The following PRKAR1B variants were observed in gnomAD, a reference collection of about 807,000 sequenced individuals.
The protein encoded by PRKAR1B is cAMP-dependent protein kinase type I-beta regulatory subunit.
PRKAR1B carries 22 observed loss-of-function variants against 46.5 expected under a neutral mutation model. The observed-to-expected ratio is 0.47, with a 90% CI of 0.34 to 0.68. The LOEUF (loss-of-function observed/expected upper bound fraction) is 0.68, where lower values mean the gene tolerates loss of function less well. Among genes scored for constraint, PRKAR1B ranks in the 30% least tolerant of loss-of-function variants. The probability of loss-of-function intolerance (pLI) is 0.01; values close to 1 mark genes in which losing one functional copy is unlikely to be tolerated. For synonymous variants in PRKAR1B, 259 were observed against 217.7 expected, an observed-to-expected ratio of 1.19 and a Z score of -1.67; for missense variants, 445 against 535.6, an observed-to-expected ratio of 0.83 and a Z score of 1.67.
chr7:685,500 A>G lies in PRKAR1B; in HGVS notation c.178-4774T>C, dbSNP rs535668574. Among the ~76,000 whole-genome samples, 51 of 149,578 alleles carry G rather than the reference A, an allele frequency of 3.4e-4. No individual in the cohort carries two copies. The East Asian group carries it at 8.6e-3, about 25-fold the overall frequency. On this transcript the variant is annotated intron_variant, in intron 2 of 10. Coordinates refer to ENST00000537384, the MANE Select transcript of PRKAR1B (RefSeq NM_001164760.2). The stretch of plus-strand genomic sequence containing the variant: ...AGAAACTTGTCAGAAATAAAAGAAA[A>G]ATTTCTCTAAACTGAAGAACATGAG...
chr7:570,087 G>C (rs1436253529), intron 9 of PRKAR1B, among the ~76,000 whole-genome samples: 1 of 152,250 alleles, frequency 6.6e-6, no homozygotes, highest in Non-Finnish European at 1.5e-5. Flanking sequence ...GGGAAGACTT[G>C]GCACCCACCC....
intron 4 of PRKAR1B, among the ~76,000 whole-genome samples, chr7:629,805 G>A (rs13227178): frequency 2.1e-5 from 2 of 94,642 alleles, no homozygotes; most frequent in Non-Finnish European, 4.2e-5. Context: ...CACCACCCCA[G>A]GGCTGGAAAA....
At chr7:582,718 C>G (rs565081349) in intron 8 of PRKAR1B, among the ~76,000 whole-genome samples, 18 of 152,276 alleles carry the variant, frequency 1.2e-4, no homozygotes, top group Non-Finnish European at 2.2e-4. Flanking sequence ...GTCTCGACAG[C>G]GCTGGTGAAT....
chr7:618,228 G>A (rs111625644), intron 4 of PRKAR1B, among the ~76,000 whole-genome samples: 6,189 of 152,246 alleles, frequency 0.041, 398 homozygotes, highest in African/African-American at 0.14. Flanking sequence ...AGCAAACCCC[G>A]CCGTTCCCGA....
chr7:592,261 T>C (rs557693495), intron 7 of PRKAR1B, among the ~76,000 whole-genome samples: 3 of 152,342 alleles, frequency 2.0e-5, no homozygotes, highest in African/African-American at 7.2e-5. Flanking sequence ...ACGTGGACAC[T>C]GCAGGGCACT....
At chr7:723,862 G>A (rs1781160619) in intron 1 of PRKAR1B, among the ~76,000 whole-genome samples, 2 of 152,322 alleles carry the variant, frequency 1.3e-5, no homozygotes, top group Middle Eastern at 3.4e-3. Flanking sequence ...AGCACACCAG[G>A]CTGGGCAGCT....
intron 9 of PRKAR1B, among the ~76,000 whole-genome samples, chr7:572,428 C>A (rs139619331): frequency 6.6e-6 from 1 of 152,180 alleles, no homozygotes; most frequent in Non-Finnish European, 1.5e-5. Flanking sequence ...CAGAGAGACC[C>A]GCGGGGGTCT....
chr7:681,192 T>C (rs7797282), intron 2 of PRKAR1B, among the ~76,000 whole-genome samples: 19,115 of 151,936 alleles, frequency 0.13, 1,284 homozygotes, highest in South Asian at 0.24. Context: ...TGCCTTCTGC[T>C]ATGATCATAA....
Position 650,567 on chromosome 7 carries a change from C to T in PRKAR1B, c.440+26662G>A, listed in dbSNP as rs10267526. ...CTGGTGCACTTCTGGCACAGCCTCC[C>T]GCCCCTGCACACGTCCCGCCATTGC... On this transcript the variant is annotated intron_variant, in intron 4 of 10. Coordinates refer to ENST00000537384, the MANE Select transcript of PRKAR1B (RefSeq NM_001164760.2). Among the ~76,000 whole-genome samples, 463 of 152,354 alleles carry T rather than the reference C, an allele frequency of 3.0e-3. 5 individuals are homozygous for T. Among genetic ancestry groups the T allele is most frequent in the African/African-American group, 0.011 (441 of 41,586 alleles).
At chr7:673,065 A>AC (rs1786363554) in intron 4 of PRKAR1B, among the ~76,000 whole-genome samples, 4 of 142,456 alleles carry the variant, frequency 2.8e-5, no homozygotes, top group South Asian at 2.3e-4. Flanking sequence ...AAAAAAAAAA[A>AC]AAAAAAAAAA....
At chr7:697,101 C>T (rs1779782254) in intron 2 of PRKAR1B, 2 of 152,294 alleles carry the variant, frequency 1.3e-5, no homozygotes, top group African/African-American at 4.8e-5. Flanking sequence ...TTCGTAACAA[C>T]ACTGTGGGAA....
chr7:663,193 C>A (rs1321463690), intron 4 of PRKAR1B, among the ~76,000 whole-genome samples: 2 of 152,194 alleles, frequency 1.3e-5, no homozygotes, highest in Non-Finnish European at 2.9e-5. Context: ...GACAACCAGA[C>A]AATAATCCAC....
At chr7:625,902 G>A (rs1783366911) in intron 4 of PRKAR1B, among the ~76,000 whole-genome samples, 1 of 151,768 alleles carries the variant, frequency 6.6e-6, no homozygotes, top group African/African-American at 2.4e-5. Context: ...CAGCTACTGG[G>A]GAGGCTGAGG....
chr7:583,447 T>TACACACCCACACGCGTGCA, intron 8 of PRKAR1B, among the ~76,000 whole-genome samples: 520 of 47,998 alleles, frequency 0.011, 9 homozygotes, highest in African/African-American at 0.035. Flanking sequence ...CAGTGCACAC[T>TACACACCCACACGCGTGCA]CACACCCACT....
intron 4 of PRKAR1B, among the ~76,000 whole-genome samples, chr7:672,659 G>A (rs1211285232): frequency 6.6e-6 from 1 of 151,874 alleles, no homozygotes; most frequent in Admixed American, 6.6e-5. Context: ...CTTGAGGTCA[G>A]GAGTTCGAGA....
chr7:583,038 G>C (rs894129329), intron 8 of PRKAR1B, among the ~76,000 whole-genome samples: 1 of 152,118 alleles, frequency 6.6e-6, no homozygotes, highest in African/African-American at 2.4e-5. Context: ...AGACCAGGAG[G>C]GTCCGGGGGC....
upstream of PRKAR1B, among the ~76,000 whole-genome samples, chr7:728,238 G>T (rs1421651103): frequency 6.6e-6 from 1 of 152,104 alleles, no homozygotes; most frequent in Admixed American, 6.5e-5. Context: ...CCTGCTTCCT[G>T]CTGGCGGGAA....
At chr7:639,837 A>G (rs940369229) in intron 4 of PRKAR1B, among the ~76,000 whole-genome samples, 12 of 152,124 alleles carry the variant, frequency 7.9e-5, no homozygotes, top group African/African-American at 2.9e-4. Context: ...AGCCTGGGCA[A>G]CAGAGCAAGA....
At chr7:675,388 C>T (rs900265960) in intron 4 of PRKAR1B, among the ~76,000 whole-genome samples, 3 of 152,210 alleles carry the variant, frequency 2.0e-5, no homozygotes, top group African/African-American at 7.2e-5. Flanking sequence ...ACCACCACAC[C>T]GTTGCCCTCC....
Sources: allele counts gnomAD v4.1 joint callset (sites outside exome capture counted in the v4.1 genomes callset), GRCh38; gene constraint gnomAD v4.1.1; transcripts MANE v1.5; gene names NCBI Gene and HGNC (gene_info 2026-07-23, HGNC 2026-07-21).